Variants in REST observed in about 807,000 individuals in gnomAD.
REST encodes RE1-silencing transcription factor.
Under a neutral mutation model 30.4 loss-of-function variants are expected in REST, and 1 was observed. The observed-to-expected ratio is 0.03, with a 90% CI of 0.01 to 0.16. The LOEUF (loss-of-function observed/expected upper bound fraction) is 0.16, where lower values mean the gene tolerates loss of function less well. Among genes scored for constraint, REST ranks in the 10% least tolerant of loss-of-function variants. REST has a pLI of 1.00. For missense variants in REST, 1,259 were observed against 1,329.5 expected, an observed-to-expected ratio of 0.95 and a Z score of 0.82; for synonymous variants, 504 against 451.1, an observed-to-expected ratio of 1.12 and a Z score of -1.49.
intron 3 of REST, among the ~76,000 whole-genome samples, chr4:56,920,283 T>A (rs1720388107): frequency 1.3e-5 from 2 of 151,642 alleles, no homozygotes; most frequent in African/African-American, 4.9e-5. Flanking sequence ...GGTCCTGAAA[T>A]GAAGGTTTGT....
rs887113350 is a variant in REST at position 56,924,948 on chromosome 4, C to T, written c.983-4893C>T. Among the ~76,000 whole-genome samples the T allele has an allele frequency of 3.5e-4, 53 of 151,976 alleles. 1 individual carries two copies. The highest frequency in any genetic ancestry group is 8.7e-4 in the African/African-American group (36 of 41,466). ...TGGGAAACCATGGTGAGCGGATCAT[C>T]GGAGGTCAGAAGTTCAAGACCAGGC... On this transcript the variant is annotated intron_variant, in intron 3 of 3. Transcript: ENST00000309042.
chr4:56,920,729 G>T (rs771222742), intron 3 of REST, among the ~76,000 whole-genome samples: 12 of 151,904 alleles, frequency 7.9e-5, no homozygotes, highest in Non-Finnish European at 1.8e-4. Context: ...CATCAAGAGC[G>T]AAACTCTATC....
At chr4:56,915,353 C>A (rs1720147332) in intron 2 of REST, among the ~76,000 whole-genome samples, 1 of 140,220 alleles carries the variant, frequency 7.1e-6, no homozygotes, top group Admixed American at 7.8e-5. Flanking sequence ...TTAAGTGATT[C>A]TCCTGCCTCA....
At chr4:56,922,350 G>A (rs1176735455) in intron 3 of REST, 1 of 135,304 alleles carries the variant, frequency 7.4e-6, no homozygotes, top group South Asian at 2.3e-4. Context: ...TTTCGCTCTT[G>A]TTGCCCAGGC....
intron 2 of REST, among the ~76,000 whole-genome samples, chr4:56,916,837 A>G (rs1720220698): frequency 6.6e-6 from 1 of 152,164 alleles, no homozygotes; most frequent in South Asian, 2.1e-4. Flanking sequence ...ATTCATGTTT[A>G]AGTTTTGTGT....
intron 3 of REST, chr4:56,927,791 T>A: frequency 9.5e-6 from 2 of 210,814 alleles, no homozygotes; most frequent in South Asian, 1.4e-4. Context: ...GTGCCACTTC[T>A]CATTACCTAG....
In REST at chr4:56,930,645, C is replaced by G; in HGVS notation, c.1787C>G (p.Pro596Arg). 1 of 1,613,572 alleles carries G rather than the reference C, an allele frequency of 6.2e-7. No individual in the cohort carries two copies. Among genetic ancestry groups the G allele is most frequent in the South Asian group, 1.1e-5 (1 of 91,076 alleles). Residue 596 changes from proline (P) to arginine (R), a missense_variant, in exon 4 of 4, where the codon CCT (proline) becomes CGT (arginine). Around this residue, in one of 5 missense-constraint regions of REST, gnomAD observed 856 missense variants for 772.8 expected, o/e 1.11. Transcript: ENST00000309042. Reference protein sequence around the residue: ...NKSSKKSSKPPQKEPVEKGSA... With the variant: ...NKSSKKSSKPRQKEPVEKGSA... ...TCAAGTAAGAAAAGCAGTAAGCCTC[C>G]TCAGAAGGAACCTGTTGAGAAGGGA...
Position 56,931,899 on chromosome 4 carries a change from A to C in REST, c.3041A>C (p.His1014Pro). The C allele has an allele frequency of 6.2e-7, 1 of 1,614,268 alleles. No homozygotes were observed. The highest frequency in any genetic ancestry group is 8.5e-7 in the Non-Finnish European group (1 of 1,180,050). ...GATGAAGATGAAGGCATCCACAGCC[A>C]TGAAGGAAGTGACCTAAGTGACAAC... is the stretch of plus-strand genomic sequence containing the variant. The part of the protein sequence containing the change: ...EIDEDEGIHS[H>P]EGSDLSDNMS... Residue 1014 changes from histidine (H) to proline (P), a missense_variant, in exon 4 of 4, where the codon CAT becomes CCT. Around this residue, in one of 5 missense-constraint regions of REST, gnomAD observed 856 missense variants for 772.8 expected, o/e 1.11. Coordinates refer to ENST00000309042, the MANE Select transcript of REST (RefSeq NM_005612.5).
chr4:56,921,925 T>G (rs1251426035), intron 3 of REST, among the ~76,000 whole-genome samples: 1 of 152,222 alleles, frequency 6.6e-6, no homozygotes, highest in Admixed American at 6.5e-5. Flanking sequence ...GTGATATGCA[T>G]TATATTTCTA....
chr4:56,917,948 A>G (rs369235674), intron 2 of REST, among the ~76,000 whole-genome samples: 4 of 149,832 alleles, frequency 2.7e-5, no homozygotes, highest in African/African-American at 9.9e-5. Context: ...GCTACTCAGG[A>G]GGCTGAGGCA....
chr4:56,908,383 C>A (rs1578481425), intron 1 of REST, among the ~76,000 whole-genome samples, 170 bp downstream of exon 1: 1 of 151,062 alleles, frequency 6.6e-6, no homozygotes, highest in Non-Finnish European at 1.5e-5. Flanking sequence ...CGGGGGCTGG[C>A]GGCCGAGCAG....
chr4:56,919,354 A>G (rs945727121), intron 2 of REST, among the ~76,000 whole-genome samples: 1 of 152,196 alleles, frequency 6.6e-6, no homozygotes, highest in Non-Finnish European at 1.5e-5. Flanking sequence ...TTCAAATGGT[A>G]GTAGATTCAT....
chr4:56,916,304 G>C (rs932067404), intron 2 of REST, among the ~76,000 whole-genome samples: 1 of 152,178 alleles, frequency 6.6e-6, no homozygotes, highest in Non-Finnish European at 1.5e-5. Flanking sequence ...AGGTAACTAA[G>C]CTTTCTGGAG....
At chr4:56,912,082 C>G (rs1455007382) in intron 2 of REST, among the ~76,000 whole-genome samples, 2 of 152,152 alleles carry the variant, frequency 1.3e-5, no homozygotes, top group Non-Finnish European at 2.9e-5. Context: ...AGTGATTAAC[C>G]TTGCACATGC....
rs1450597642 is a variant in REST at position 56,919,764 on chromosome 4, CTTATA to C, written c.899-18_899-14del. On this transcript the variant is annotated intron_variant, in intron 2 of 3. Transcript: ENST00000309042. The stretch of plus-strand genomic sequence containing the variant: ...GGCTATTTCGTGACATTTAAACACT[CTTATA>C]TTATTGAAATTTTGCAGGAGAACGC... 1.3e-6 allele frequency: 2 copies of C among 1,488,568 alleles called. No individual in the cohort carries two copies. The highest frequency in any genetic ancestry group is 3.4e-5 in the Admixed American group (2 of 58,730). The allele number at this position is 1,488,568 out of a possible 1,614,324, so 92.2% of individuals were successfully genotyped here.
chr4:56,918,878 C>T (rs1034301858), intron 2 of REST, among the ~76,000 whole-genome samples: 1 of 151,928 alleles, frequency 6.6e-6, no homozygotes, highest in Non-Finnish European at 1.5e-5. Flanking sequence ...GCTATGTTGC[C>T]CAGGCTAGTC....
In REST at chr4:56,935,036, T is replaced by C. The variant is rs1479493846; in HGVS notation, c.*2884T>C. 1 of 151,430 alleles carries C rather than the reference T, an allele frequency of 6.6e-6. No individual in the cohort carries two copies. The highest frequency in any genetic ancestry group is 1.5e-5 in the Non-Finnish European group (1 of 67,894). 9.4% of individuals were successfully genotyped at this position (151,430 alleles called of 1,614,324 possible). A position where few individuals can be genotyped will look rare whatever the true frequency, so the allele number is the denominator to read the frequency against. Reference sequence around the variant, plus strand: ...TTTTTTTTTTTTTTAATAAGGCTTATAACTATGGCTGGATCTTTTGCTCTA... The same window carrying C: ...TTTTTTTTTTTTTTAATAAGGCTTACAACTATGGCTGGATCTTTTGCTCTA... On this transcript the variant is annotated 3_prime_UTR_variant, in exon 4 of 4. Coordinates refer to ENST00000309042, the MANE Select transcript of REST (RefSeq NM_005612.5).
chr4:56,913,710 G>C (rs779385728), intron 2 of REST, among the ~76,000 whole-genome samples: 5 of 152,068 alleles, frequency 3.3e-5, no homozygotes, highest in African/African-American at 7.2e-5. Flanking sequence ...GTGCAGTGAC[G>C]CGATCTCGGC....
At position 56,931,463 on chromosome 4, in the gene REST, A is replaced by G; in HGVS notation, c.2605A>G (p.Lys869Glu). 6.2e-7 allele frequency: 1 copy of G among 1,614,218 alleles called. No individual in the cohort carries two copies. Among genetic ancestry groups the G allele is most frequent in the Non-Finnish European group, 8.5e-7 (1 of 1,180,044 alleles). The change falls in exon 4 of 4, where the codon AAG (lysine) becomes GAG (glutamate). Residue 869 changes from lysine (K) to glutamate (E), a missense_variant. By Grantham distance (56) the Lys-to-Glu change is moderately conservative (BLOSUM62 1). This residue lies in a region of REST where 856 missense variants were observed against 772.8 expected (regional missense o/e 1.11). Transcript: ENST00000309042. ...CTCACCACCATCACCACCACTGCCAAAGGAAAATTTAAGAGAAGAGGCATC... is the reference window on the plus strand; with the variant it reads ...CTCACCACCATCACCACCACTGCCAGAGGAAAATTTAAGAGAAGAGGCATC... ...DLSPPSPPLPKENLREEASGD... is the reference protein window; with the variant it reads ...DLSPPSPPLPEENLREEASGD...
Sources: gnomAD v4.1 joint callset for allele counts (sites outside exome capture counted in the v4.1 genomes callset) on GRCh38, gnomAD v4.1.1 for gene constraint, gnomAD v4.1.1 regional missense constraint, MANE v1.5 for transcripts, NCBI Gene and HGNC (gene_info 2026-07-23, HGNC 2026-07-21) for gene names.